The following IFT74 variants were observed in gnomAD, a reference collection of about 807,000 sequenced individuals.
IFT74 encodes the protein intraflagellar transport protein 74 homolog.
In IFT74, 92 loss-of-function variants were observed where a neutral mutation model predicts 96.7. The observed-to-expected ratio is 0.95, with a 90% CI of 0.80 to 1.13. The LOEUF (loss-of-function observed/expected upper bound fraction) is 1.13, where lower values mean the gene tolerates loss of function less well. Among genes scored for constraint, IFT74 ranks in the 50% most tolerant of loss-of-function variants. The pLI is 0.00. For missense variants in IFT74, 811 were observed against 698.2 expected (o/e 1.16, Z -1.82); for synonymous variants, 223 against 213.2 (o/e 1.05, Z -0.40).
chr9:26,992,358 A>T (rs1477183732), intron 8 of IFT74, among the ~76,000 whole-genome samples: 3 of 152,166 alleles, frequency 2.0e-5, no homozygotes, highest in African/African-American at 7.2e-5. Flanking sequence ...AGGCTGAGTG[A>T]AATTGGTTCT....
At chr9:27,057,361 C>G (rs1302483681) in intron 18 of IFT74, among the ~76,000 whole-genome samples, 3 of 152,092 alleles carry the variant, frequency 2.0e-5, no homozygotes, top group African/African-American at 7.2e-5. Flanking sequence ...CAATGTCTGT[C>G]TCGTTTACTT....
At chr9:26,979,121 A>G (rs1438248181) in intron 3 of IFT74, among the ~76,000 whole-genome samples, 1 of 151,720 alleles carries the variant, frequency 6.6e-6, no homozygotes, top group Non-Finnish European at 1.5e-5. Context: ...TTTCTATAAT[A>G]CAGTATATCA....
intron 8 of IFT74, chr9:26,998,254 A>C (rs1022627789): frequency 1.0e-5 from 14 of 1,391,158 alleles, no homozygotes; most frequent in Non-Finnish European, 1.2e-5. Context: ...AGAAAAACAA[A>C]AAAAAGAAAG....
chr9:26,974,926 GTC>G (rs1470904039), intron 2 of IFT74, among the ~76,000 whole-genome samples: 1 of 152,180 alleles, frequency 6.6e-6, no homozygotes, highest in Non-Finnish European at 1.5e-5. Flanking sequence ...GGGGAAGAGA[GTC>G]GGGGCTGACT....
chr9:27,017,844 T>C (rs1243659779), intron 11 of IFT74, among the ~76,000 whole-genome samples: 1 of 152,202 alleles, frequency 6.6e-6, no homozygotes, highest in Non-Finnish European at 1.5e-5. Flanking sequence ...CAAATTATAA[T>C]TAGCATGTTG....
At chr9:27,051,216 A>T (rs1285405801) in intron 16 of IFT74, among the ~76,000 whole-genome samples, 1 of 152,124 alleles carries the variant, frequency 6.6e-6, no homozygotes, top group Non-Finnish European at 1.5e-5. Flanking sequence ...GGGATTATGG[A>T]CCTATAAATG....
chr9:27,016,983 A>T lies in IFT74; in HGVS notation c.866A>T (p.Asp289Val). The T allele has an allele frequency of 6.2e-7, 1 of 1,611,566 alleles. No individual in the cohort carries two copies. Among genetic ancestry groups the T allele is most frequent in the Non-Finnish European group, 8.5e-7 (1 of 1,178,664 alleles). The change falls in exon 11 of 20, where the codon GAT becomes GTT. Residue 289 changes from aspartate (D) to valine (V), a missense_variant. By Grantham distance (152) the Asp-to-Val change is radical (BLOSUM62 -3). Transcript: ENST00000380062. ...EKLYELESHR[D>V]QMIAEDKSIG... is the part of the protein sequence containing the mutation. Reference sequence around the variant, plus strand: ...CTTTATGAGTTGGAGTCCCATCGAGATCAAATGATTGCAGAAGACAAAAGC... The same window carrying T: ...CTTTATGAGTTGGAGTCCCATCGAGTTCAAATGATTGCAGAAGACAAAAGC...
chr9:26,990,287 A>G (rs1827807952), intron 8 of IFT74, 92 bp downstream of exon 8: 1 of 614,118 alleles, frequency 1.6e-6, no homozygotes. Context: ...AAATTTTCTT[A>G]ACAATTTCCC....
At chr9:26,963,435 T>C (rs1173866726) in intron 2 of IFT74, among the ~76,000 whole-genome samples, 2 of 150,400 alleles carry the variant, frequency 1.3e-5, no homozygotes, top group Non-Finnish European at 2.9e-5. Flanking sequence ...GCATGTGTCT[T>C]TATAGCAGCA....
intron 13 of IFT74, among the ~76,000 whole-genome samples, chr9:27,041,102 C>T (rs1335290315): frequency 6.6e-6 from 1 of 152,162 alleles, no homozygotes; most frequent in Non-Finnish European, 1.5e-5. Flanking sequence ...CGCATTTCTT[C>T]TTTCCTACTT....
chr9:27,036,613 A>G, intron 13 of IFT74: 12 of 1,531,070 alleles, frequency 7.8e-6, no homozygotes, highest in Non-Finnish European at 1.0e-5. Flanking sequence ...TCTCTCTAGC[A>G]CCCACTGTTT....
At chr9:27,039,344 T>A (rs1819363881) in intron 13 of IFT74, among the ~76,000 whole-genome samples, 1 of 151,620 alleles carries the variant, frequency 6.6e-6, no homozygotes, top group South Asian at 2.1e-4. Flanking sequence ...AGAGCCAGAG[T>A]TTTGATGCGT....
intron 12 of IFT74, among the ~76,000 whole-genome samples, chr9:27,027,459 G>C (rs1441374007): frequency 2.0e-5 from 3 of 152,094 alleles, no homozygotes; most frequent in African/African-American, 7.2e-5. Flanking sequence ...GAGGGTTCCA[G>C]TTTTTCACAT....
intron 8 of IFT74, among the ~76,000 whole-genome samples, chr9:27,002,724 A>T (rs980686495): frequency 9.9e-5 from 15 of 152,188 alleles, no homozygotes; most frequent in African/African-American, 3.6e-4. Flanking sequence ...AGGTAGTGTG[A>T]TGCCTCCAGC....
chr9:27,039,861 A>G (rs865867956), intron 13 of IFT74, among the ~76,000 whole-genome samples: 7 of 152,288 alleles, frequency 4.6e-5, no homozygotes, highest in Middle Eastern at 6.8e-3. Flanking sequence ...AGGAATGACT[A>G]TTTTATATAC....
Position 26,978,144 on chromosome 9 carries a change from C to T in IFT74, c.137C>T (p.Ala46Val). 6.2e-7 allele frequency: 1 copy of T among 1,601,618 alleles called. No individual in the cohort carries two copies. The highest frequency in any genetic ancestry group is 8.5e-7 in the Non-Finnish European group (1 of 1,177,538). ...GTCATTTAGATGCCACCTGGGACAGCAAGACCAGGTTCTCGTGGTTGTCCC... is the reference window on the plus strand; with the variant it reads ...GTCATTTAGATGCCACCTGGGACAGTAAGACCAGGTTCTCGTGGTTGTCCC... ...RVATAMPPGT[A>V]RPGSRGCPIG... The change falls in exon 3 of 20, where the codon GCA (alanine) becomes GTA (valine). Residue 46 changes from alanine to valine, a missense_variant. By Grantham distance (64) the Ala-to-Val change is moderately conservative. Transcript: ENST00000380062.
At chr9:26,963,325 A>T (rs1216795153) in intron 2 of IFT74, among the ~76,000 whole-genome samples, 1 of 151,998 alleles carries the variant, frequency 6.6e-6, no homozygotes, top group Non-Finnish European at 1.5e-5. Flanking sequence ...TCCATGGTGT[A>T]TATGTGCCAC....
intron 3 of IFT74, 112 bp from the exon 4 acceptor site, chr9:26,980,459 A>T: frequency 1.4e-6 from 1 of 737,748 alleles, no homozygotes. Context: ...TCATTGGGGC[A>T]TTCATGAAGA....
intron 9 of IFT74, among the ~76,000 whole-genome samples, chr9:27,010,957 A>G (rs1197121993): frequency 1.3e-5 from 2 of 152,258 alleles, no homozygotes; most frequent in Non-Finnish European, 2.9e-5. Context: ...AATAATGATT[A>G]TAGTTTTAGT....
Sources: gnomAD v4.1 joint callset for allele counts (sites outside exome capture counted in the v4.1 genomes callset) on GRCh38, gnomAD v4.1.1 for gene constraint, MANE v1.5 for transcripts, NCBI Gene and HGNC (gene_info 2026-07-23, HGNC 2026-07-21) for gene names.